Variants in ZC3H7A observed in about 807,000 individuals in gnomAD.
The protein encoded by ZC3H7A is zinc finger CCCH-type containing 7A.
In ZC3H7A, 44 loss-of-function variants were observed where a neutral mutation model predicts 125.5. That is an observed-to-expected ratio of 0.35 (90% CI 0.28 to 0.45). The LOEUF (loss-of-function observed/expected upper bound fraction) is 0.45, where lower values mean the gene tolerates loss of function less well. Ranked by LOEUF, ZC3H7A falls within the 20% of genes least tolerant of loss-of-function variation. The pLI is 1.00. For synonymous variants in ZC3H7A, 399 were observed against 391.2 expected, an observed-to-expected ratio of 1.02 and a Z score of -0.23; for missense variants, 977 against 1,170.7, an observed-to-expected ratio of 0.83 and a Z score of 2.41.
In ZC3H7A at chr16:11,756,194, C is replaced by A. The variant is rs755803003; in HGVS notation, c.2562+43G>T. The A allele has an allele frequency of 7.6e-6, 12 of 1,581,178 alleles. No individual in the cohort carries two copies. The Admixed American group carries it at 1.3e-4, about 18-fold the overall frequency. On this transcript the variant is annotated intron_variant, in intron 21 of 22. Coordinates refer to ENST00000355758, the MANE Select transcript of ZC3H7A (RefSeq NM_014153.4). ...AGAAAAGGGAAAAGAAAGGCTCCAT[C>A]AATGGCTCGGCAAAGAGAGGGTAAA... is the stretch of plus-strand genomic sequence containing the variant.
At chr16:11,776,602 G>C in intron 5 of ZC3H7A, 70 bp from the exon 6 acceptor site, 1 of 1,480,698 alleles carries the variant, frequency 6.8e-7, no homozygotes, top group Non-Finnish European at 9.1e-7. Context: ...AGACAAAACA[G>C]GGAAGTTTCC....
chr16:11,759,220 A>C (rs1474612851), intron 19 of ZC3H7A: 1 of 152,292 alleles, frequency 6.6e-6, no homozygotes, highest in Non-Finnish European at 1.5e-5. Context: ...CCAGGAACCA[A>C]GAAAACCTCC....
In ZC3H7A at chr16:11,769,751, T is replaced by TA. The variant is rs1310474168; in HGVS notation, c.1109-657dup. 3.1e-4 allele frequency among the ~76,000 whole-genome samples: 38 copies of TA among 123,766 alleles called. 1 individual carries two copies. Among genetic ancestry groups the TA allele is most frequent in the African/African-American group, 7.7e-4 (24 of 31,242 alleles). 81.2% of individuals were successfully genotyped at this position (123,766 alleles called of 152,430 possible). A position where few individuals can be genotyped will look rare whatever the true frequency, so the allele number is the denominator to read the frequency against. On this transcript the variant is annotated intron_variant, in intron 10 of 22. Coordinates refer to ENST00000355758, the MANE Select transcript of ZC3H7A (RefSeq NM_014153.4). Reference sequence around the variant, plus strand: ...AAAAGCAGGAACTGACCATAACATTTAAAAAAAAATCAGTAAAGTTTTCAA... The same window carrying TA: ...AAAAGCAGGAACTGACCATAACATTTAAAAAAAAAATCAGTAAAGTTTTCAA...
intron 8 of ZC3H7A, 98 bp from the exon 9 acceptor site, chr16:11,774,617 A>C (rs2053048721): frequency 7.6e-7 from 1 of 1,318,922 alleles, no homozygotes; most frequent in South Asian, 1.8e-5. Context: ...GAAAATATGA[A>C]GGCAATTATA....
chr16:11,791,980 T>C (rs1398773977), intron 1 of ZC3H7A, among the ~76,000 whole-genome samples: 2 of 152,160 alleles, frequency 1.3e-5, no homozygotes, highest in African/African-American at 4.8e-5. Flanking sequence ...GGCACAACCA[T>C]AGCTCACTGC....
intron 20 of ZC3H7A, among the ~76,000 whole-genome samples, chr16:11,758,067 G>A (rs2052683544): frequency 6.6e-6 from 1 of 152,100 alleles, no homozygotes; most frequent in Non-Finnish European, 1.5e-5. Context: ...TTCTAACCTG[G>A]TTAATTCAGA....
intron 21 of ZC3H7A, among the ~76,000 whole-genome samples, chr16:11,755,290 C>G (rs1035317974): frequency 2.0e-5 from 3 of 151,894 alleles, no homozygotes; most frequent in Admixed American, 6.6e-5. Context: ...ATCTGTTCCC[C>G]TGGGGAGGGG....
chr16:11,786,364 T>C (rs2053257190), intron 1 of ZC3H7A, among the ~76,000 whole-genome samples: 2 of 152,214 alleles, frequency 1.3e-5, no homozygotes, highest in African/African-American at 4.8e-5. Flanking sequence ...GTTCAGTGAA[T>C]GATGTACCTT....
chr16:11,783,226 T>C lies in ZC3H7A; in HGVS notation c.-34-838A>G, dbSNP rs561218003. Among the ~76,000 whole-genome samples, 5 of 152,312 alleles carry C rather than the reference T, an allele frequency of 3.3e-5. No homozygotes were observed. In the South Asian group the frequency reaches 1.0e-3, roughly 32 times the overall value. On this transcript the variant is annotated intron_variant, in intron 1 of 22. Coordinates refer to ENST00000355758, the MANE Select transcript of ZC3H7A (RefSeq NM_014153.4). ...AAACTTCCAAAATGATTATTGTTGA[T>C]ACAACAGATAAAATAATGATATAAA... is the stretch of plus-strand genomic sequence containing the variant.
chr16:11,767,995 C>T (rs1180419129), intron 12 of ZC3H7A, among the ~76,000 whole-genome samples: 3 of 152,150 alleles, frequency 2.0e-5, no homozygotes, highest in Non-Finnish European at 4.4e-5. Context: ...TCTTGCTCTA[C>T]TTGAAAATAA....
intron 9 of ZC3H7A, among the ~76,000 whole-genome samples, chr16:11,772,352 A>G (rs776318357): frequency 1.8e-4 from 27 of 151,434 alleles, no homozygotes; most frequent in Middle Eastern, 6.8e-3. Context: ...AGAACATACA[A>G]CTCTAACTTC....
At chr16:11,773,437 T>C (rs2053021603) in intron 9 of ZC3H7A, among the ~76,000 whole-genome samples, 2 of 151,994 alleles carry the variant, frequency 1.3e-5, no homozygotes, top group Admixed American at 6.5e-5. Context: ...TTCTCTTTTT[T>C]GTTCTTCTCT....
At chr16:11,796,615 C>G (rs1399397353) in intron 1 of ZC3H7A, 3 of 153,378 alleles carry the variant, frequency 2.0e-5, no homozygotes, top group Non-Finnish European at 2.9e-5. Flanking sequence ...TCCGCGGACC[C>G]CAAGGCCTCT....
rs555824230 is a variant in ZC3H7A, at chr16:11,790,813, T to C, written c.-35+6311A>G. Reference sequence around the variant, plus strand: ...CTCGGTCTCTCCCAGGAGGCAGAGGTTGCAGTGAGCCAAGATTGCGCCACT... The same window carrying C: ...CTCGGTCTCTCCCAGGAGGCAGAGGCTGCAGTGAGCCAAGATTGCGCCACT... On this transcript the variant is annotated intron_variant, in intron 1 of 22. Coordinates refer to ENST00000355758, the MANE Select transcript of ZC3H7A (RefSeq NM_014153.4). Among the ~76,000 whole-genome samples, 555 of 151,852 alleles carry C rather than the reference T, an allele frequency of 3.7e-3. 1 individual carries two copies. Among genetic ancestry groups the C allele is most frequent in the Non-Finnish European group, 6.4e-3 (435 of 67,918 alleles).
chr16:11,777,037 T>C (rs1045000126), intron 4 of ZC3H7A, 128 bp from the exon 5 acceptor site: 2 of 645,800 alleles, frequency 3.1e-6, no homozygotes, highest in Admixed American at 3.8e-5. Context: ...AAGTTAGCAG[T>C]ATTACTTTTA....
At chr16:11,754,200 G>A (rs1001435410) in intron 21 of ZC3H7A, among the ~76,000 whole-genome samples, 3 of 149,746 alleles carry the variant, frequency 2.0e-5, no homozygotes, top group Non-Finnish European at 4.4e-5. Flanking sequence ...GCTGAGGTCG[G>A]AGGATCACCT....
intron 1 of ZC3H7A, among the ~76,000 whole-genome samples, chr16:11,792,278 G>T (rs1163090724): frequency 1.3e-5 from 2 of 152,144 alleles, no homozygotes; most frequent in East Asian, 3.8e-4. Context: ...TAAATTAACT[G>T]AACTCTTACA....
rs1258999395 is a variant in ZC3H7A at position 11,756,295 on chromosome 16, T to C, written c.2504A>G (p.Gln835Arg). Residue 835 changes from glutamine (Q) to arginine (R), a missense_variant, in exon 21 of 23, where the codon CAG becomes CGG. Around this residue, in one of 3 missense-constraint regions of ZC3H7A, gnomAD observed 436 missense variants for 603.2 expected, o/e 0.72. Transcript: ENST00000355758. ...TTGTTTTCCATTTTCCTTGTTTGAC[T>C]GACTGGCTATGTCTTCACTTTTTTC... is the stretch of plus-strand genomic sequence containing the variant. ...KNEKSEDIAS[Q>R]SNKENGKQIH... 1.9e-6 allele frequency: 3 copies of C among 1,614,098 alleles called. No homozygotes were observed. The African/African-American group carries it at 4.0e-5, about 22-fold the overall frequency.
At chr16:11,785,493 G>A (rs2053243792) in intron 1 of ZC3H7A, among the ~76,000 whole-genome samples, 1 of 151,814 alleles carries the variant, frequency 6.6e-6, no homozygotes. Context: ...GCAAGAGAGT[G>A]AGACCCTGTC....
Sources: allele counts gnomAD v4.1 joint callset (sites outside exome capture counted in the v4.1 genomes callset), GRCh38; gene constraint gnomAD v4.1.1; regional missense constraint gnomAD v4.1.1; transcripts MANE v1.5; gene names NCBI Gene and HGNC (gene_info 2026-07-23, HGNC 2026-07-21).